ASH1L: variants seen among roughly 807,000 people sequenced by gnomAD.
ASH1L encodes histone-lysine N-methyltransferase ASH1L.
A neutral mutation model predicts 269.0 loss-of-function variants in ASH1L; 23 were observed. The observed-to-expected ratio is 0.09, with a 90% CI of 0.06 to 0.12. The LOEUF (loss-of-function observed/expected upper bound fraction) is 0.12, where lower values mean the gene tolerates loss of function less well. Among genes scored for constraint, ASH1L ranks in the 10% least tolerant of loss-of-function variants. The pLI, the probability that ASH1L is intolerant of heterozygous loss-of-function variation, is 1.00. For synonymous variants in ASH1L, 1,187 were observed against 1,253.5 expected, an observed-to-expected ratio of 0.95 and a Z score of 1.12; for missense variants, 2,912 against 3,567.8, an observed-to-expected ratio of 0.82 and a Z score of 4.68.
chr1:155,488,069 T>A (rs1666447187), intron 2 of ASH1L, among the ~76,000 whole-genome samples: 1 of 151,504 alleles, frequency 6.6e-6, no homozygotes, highest in South Asian at 2.1e-4. Flanking sequence ...GAATTTTTAG[T>A]AAAGACGGGG....
intron 1 of ASH1L, among the ~76,000 whole-genome samples, chr1:155,558,462 ACT>A (rs1671745767): frequency 6.6e-6 from 1 of 151,808 alleles, no homozygotes; most frequent in South Asian, 2.1e-4. Context: ...CAAGAGCGAA[ACT>A]CTCTCTCAAA....
intron 1 of ASH1L, among the ~76,000 whole-genome samples, chr1:155,535,184 C>T (rs1006817047): frequency 6.8e-6 from 1 of 147,710 alleles, no homozygotes; most frequent in Non-Finnish European, 1.5e-5. Flanking sequence ...AGTAAAACTC[C>T]ATTTAAAAAA....
At chr1:155,545,036 G>A (rs1179226904) in intron 1 of ASH1L, among the ~76,000 whole-genome samples, 1 of 151,426 alleles carries the variant, frequency 6.6e-6, no homozygotes, top group Non-Finnish European at 1.5e-5. Context: ...GCCGGGCATG[G>A]TGGTACATGC....
At chr1:155,526,680 C>T (rs1337785944) in intron 1 of ASH1L, among the ~76,000 whole-genome samples, 2 of 152,114 alleles carry the variant, frequency 1.3e-5, no homozygotes, top group Non-Finnish European at 2.9e-5. Flanking sequence ...GAAGCAGTAA[C>T]AAACAGAAAA....
At chr1:155,496,470 T>G (rs1667162347) in intron 2 of ASH1L, among the ~76,000 whole-genome samples, 1 of 152,204 alleles carries the variant, frequency 6.6e-6, no homozygotes, top group Non-Finnish European at 1.5e-5. Context: ...GTTTAATATA[T>G]ATGTATGCAT....
chr1:155,357,797 G>A (rs1654546964), intron 13 of ASH1L, 48 bp from the exon 14 acceptor site: 1 of 1,527,726 alleles, frequency 6.5e-7, no homozygotes, highest in Non-Finnish European at 8.8e-7. Context: ...TTTAAGGCAG[G>A]GTCTTTCCTG....
At chr1:155,356,634 C>A (rs1275937778) in intron 15 of ASH1L, among the ~76,000 whole-genome samples, 3 of 147,968 alleles carry the variant, frequency 2.0e-5, no homozygotes, top group Non-Finnish European at 4.5e-5. Flanking sequence ...CACAGCGAGA[C>A]TCCGTCTCAA....
intron 12 of ASH1L, among the ~76,000 whole-genome samples, chr1:155,366,046 T>C (rs954580260): frequency 1.3e-5 from 2 of 152,184 alleles, no homozygotes; most frequent in African/African-American, 4.8e-5. Flanking sequence ...AAAATTAGGC[T>C]GAGATCTGCT....
At chr1:155,558,181 A>C (rs1671722618) in intron 1 of ASH1L, among the ~76,000 whole-genome samples, 1 of 152,202 alleles carries the variant, frequency 6.6e-6, no homozygotes, top group Non-Finnish European at 1.5e-5. Flanking sequence ...GTTATTAAGA[A>C]GTGATGTGCA....
intron 2 of ASH1L, among the ~76,000 whole-genome samples, chr1:155,518,054 C>T (rs1668623145): frequency 1.3e-5 from 2 of 152,062 alleles, no homozygotes; most frequent in South Asian, 4.1e-4. Flanking sequence ...CCCGCCTCGG[C>T]CTCCCAAAGT....
intron 1 of ASH1L, among the ~76,000 whole-genome samples, chr1:155,551,500 A>T (rs1336227141): frequency 6.8e-6 from 1 of 146,388 alleles, no homozygotes; most frequent in African/African-American, 2.5e-5. Context: ...CTCTACTAAA[A>T]ATACAAAAAA....
At chr1:155,434,299 G>A (rs1280423782) in intron 5 of ASH1L, 13 of 1,574,968 alleles carry the variant, frequency 8.3e-6, no homozygotes, top group East Asian at 2.3e-5. Flanking sequence ...ACAGGGGGAG[G>A]GGAGGAGCTA....
Position 155,338,227 on chromosome 1 carries a change from T to G in ASH1L, c.8665A>C (p.Ser2889Arg). The change falls in exon 27 of 28, where the codon AGT (serine) becomes CGT (arginine). Residue 2889 changes from serine to arginine, a missense_variant. Transcript: ENST00000392403. ...TCCTCTGTTTTTTTTTCACCCTCAC[T>G]GACGTTAGCAGTGGCCCCTTCCCGT... ...PEREGATANV[S>R]EGEKKTEESS... 1 of 1,614,020 alleles carries G rather than the reference T, an allele frequency of 6.2e-7. No homozygotes were observed. The highest frequency in any genetic ancestry group is 1.1e-5 in the South Asian group (1 of 91,078).
In ASH1L at chr1:155,357,359, A is replaced by C; in HGVS notation, c.7012T>G (p.Leu2338Val). 6.2e-7 allele frequency: 1 copy of C among 1,613,968 alleles called. No individual in the cohort carries two copies. The highest frequency in any genetic ancestry group is 8.5e-7 in the Non-Finnish European group (1 of 1,179,994). Reference protein sequence around the residue: ...PSENINTPTRLTPQLQMKPMS... With the variant: ...PSENINTPTRVTPQLQMKPMS... ...GGCTTCATCTGTAATTGGGGGGTCA[A>C]TCTAGTTGGGGTGTTGATATTTTCA... Residue 2338 changes from leucine (L) to valine (V), a missense_variant, in exon 15 of 28, where the codon TTG becomes GTG. This residue lies in a region of ASH1L where 309 missense variants were observed against 435.1 expected (regional missense o/e 0.71). Coordinates refer to ENST00000392403, the MANE Select transcript of ASH1L (RefSeq NM_018489.3).
rs779476516 is a variant in ASH1L, at chr1:155,562,670, C to A, written c.-617G>T. 48 of 1,523,234 alleles carry A rather than the reference C, an allele frequency of 3.2e-5. No homozygotes were observed. The highest frequency in any genetic ancestry group is 1.7e-4 in the Middle Eastern group (1 of 5,934). The allele number at this position is 1,523,234 out of a possible 1,614,324, so 94.4% of individuals were successfully genotyped here. A position where few individuals can be genotyped will look rare whatever the true frequency, so the allele number is the denominator to read the frequency against. ...CACCAACCACCACCTTCGGCCGCCC[C>A]GCGCGCCAGCCAGCCCGTACGCGCT... On this transcript the variant is annotated 5_prime_UTR_variant, in exon 1 of 28. Coordinates refer to ENST00000392403, the MANE Select transcript of ASH1L (RefSeq NM_018489.3).
intron 1 of ASH1L, among the ~76,000 whole-genome samples, chr1:155,529,351 CTTTT>C (rs35984917): frequency 1.5e-5 from 2 of 134,018 alleles, no homozygotes; most frequent in African/African-American, 2.7e-5. Flanking sequence ...TTGCCAGCAT[CTTTT>C]TTTTTTTTTT....
intron 3 of ASH1L, among the ~76,000 whole-genome samples, chr1:155,461,306 T>C (rs1159745068): frequency 2.6e-5 from 4 of 152,182 alleles, no homozygotes; most frequent in South Asian, 4.1e-4. Flanking sequence ...TTGCTGTAAA[T>C]AGTCTTTTAG....
Position 155,481,260 on chromosome 1 carries a change from G to A in ASH1L, c.1610C>T (p.Ala537Val), listed in dbSNP as rs770756936. 1.2e-6 allele frequency: 2 copies of A among 1,613,964 alleles called. No individual in the cohort carries two copies. The highest frequency in any genetic ancestry group is 1.7e-6 in the Non-Finnish European group (2 of 1,179,986). ...CTSPDFKMGG[A>V]SDVSTAKSPF... is the part of the protein sequence containing the mutation. ...GGATTTAGCGGTAGATACATCAGAA[G>A]CACCTCCCATTTTAAAGTCCGGAGA... The change falls in exon 3 of 28, where the codon GCT (alanine) becomes GTT (valine). Residue 537 changes from alanine to valine, a missense_variant. Physicochemically the swap from Ala to Val is moderately conservative, Grantham distance 64. This residue lies in a region of ASH1L where 715 missense variants were observed against 721.0 expected (regional missense o/e 0.99). Coordinates refer to ENST00000392403, the MANE Select transcript of ASH1L (RefSeq NM_018489.3).
intron 5 of ASH1L, chr1:155,434,172 C>T: frequency 6.3e-7 from 1 of 1,594,090 alleles, no homozygotes; most frequent in Non-Finnish European, 8.5e-7. Flanking sequence ...CCTCACTTCA[C>T]TGCACTGTAC....
Sources: gnomAD v4.1 joint callset for allele counts (sites outside exome capture counted in the v4.1 genomes callset) on GRCh38, gnomAD v4.1.1 for gene constraint, gnomAD v4.1.1 regional missense constraint, MANE v1.5 for transcripts, NCBI Gene and HGNC (gene_info 2026-07-23, HGNC 2026-07-21) for gene names.